Variants in SAMD5 observed in about 807,000 individuals in gnomAD.
SAMD5 encodes sterile alpha motif domain containing 5.
Under a neutral mutation model 11.3 loss-of-function variants are expected in SAMD5, and 13 were observed. That is an observed-to-expected ratio of 1.15 (90% confidence interval 0.75 to 1.83). The LOEUF (loss-of-function observed/expected upper bound fraction) is 1.83. Among genes scored for constraint, SAMD5 ranks in the 40% most tolerant of loss-of-function variants. The probability of loss-of-function intolerance (pLI) is 0.00; values close to 1 mark genes in which losing one functional copy is unlikely to be tolerated. For missense variants in SAMD5, 255 were observed against 239.1 expected (o/e 1.07, Z -0.44); for synonymous variants, 129 against 111.3 (o/e 1.16, Z -1.00).
chr6:147,949,274 G>GA, the SAMD5 span, among the ~76,000 whole-genome samples: 2 of 152,194 alleles, frequency 1.3e-5, no homozygotes, highest in East Asian at 3.9e-4. Context: ...TATGATGGGG[G>GA]AAAAAACCCA....
the SAMD5 span, among the ~76,000 whole-genome samples, chr6:147,811,588 T>C: frequency 6.6e-6 from 1 of 152,126 alleles, no homozygotes; most frequent in African/African-American, 2.4e-5. Context: ...GGCAGTTGTA[T>C]TGGAGAACAC....
intron 1 of SAMD5, among the ~76,000 whole-genome samples, chr6:147,578,791 T>TA (rs36033270): frequency 2.9e-4 from 44 of 149,286 alleles, no homozygotes; most frequent in Non-Finnish European, 4.6e-4. Context: ...ATCTGCGAAG[T>TA]AAAAAAAAAA....
At position 147,569,454 on chromosome 6, in the gene SAMD5, G is replaced by C. The variant is rs996575382; in HGVS notation, c.*4998G>C. On this transcript the variant is annotated 3_prime_UTR_variant, in exon 2 of 2. Transcript: ENST00000367474. ...CAAAATTTCTTCTACTGGACCAAAA[G>C]GAAATAAATCTACAATAAATCTACT... The C allele has an allele frequency of 1.1e-6, 1 of 926,842 alleles. No individual in the cohort carries two copies. Among genetic ancestry groups the C allele is most frequent in the African/African-American group, 1.8e-5 (1 of 55,930 alleles). The allele number at this position is 926,842 out of a possible 1,614,324, so 57.4% of individuals were successfully genotyped here. A position where few individuals can be genotyped will look rare whatever the true frequency, so the allele number is the denominator to read the frequency against.
chr6:147,896,155 C>T, the SAMD5 span, among the ~76,000 whole-genome samples: 1 of 152,214 alleles, frequency 6.6e-6, no homozygotes, highest in African/African-American at 2.4e-5. Context: ...TTACTTTCTG[C>T]ATTCTCCAGA....
At chr6:147,909,821 T>C in the SAMD5 span, among the ~76,000 whole-genome samples, 16 of 152,118 alleles carry the variant, frequency 1.1e-4, no homozygotes, top group East Asian at 2.7e-3. Context: ...AGAAAAAGTT[T>C]GCTAACCACT....
At chr6:147,932,083 T>C in the SAMD5 span, among the ~76,000 whole-genome samples, 2 of 152,234 alleles carry the variant, frequency 1.3e-5, no homozygotes, top group African/African-American at 4.8e-5. Flanking sequence ...AGTCCCTTTC[T>C]TCTGGAATGC....
intron 1 of SAMD5, among the ~76,000 whole-genome samples, chr6:147,722,685 A>G (rs1791572584): frequency 6.6e-6 from 1 of 152,210 alleles, no homozygotes; most frequent in African/African-American, 2.4e-5. Context: ...ATGAAGACAA[A>G]GGCTTGTTTA....
At chr6:147,557,279 T>G (rs887949595) in intron 1 of SAMD5, among the ~76,000 whole-genome samples, 1 of 152,208 alleles carries the variant, frequency 6.6e-6, no homozygotes, top group African/African-American at 2.4e-5. Context: ...TTAAAAAACA[T>G]TTCTAATAAC....
intron 1 of SAMD5, among the ~76,000 whole-genome samples, chr6:147,528,354 G>A (rs563410371): frequency 6.6e-6 from 1 of 152,114 alleles, no homozygotes; most frequent in South Asian, 2.1e-4. Context: ...GGACTTCTGA[G>A]GCCACGTGCC....
At chr6:147,880,755 C>T in the SAMD5 span, among the ~76,000 whole-genome samples, 1 of 152,186 alleles carries the variant, frequency 6.6e-6, no homozygotes, top group Non-Finnish European at 1.5e-5. Flanking sequence ...TCAGCCTTTA[C>T]ATCATACAGA....
At chr6:147,861,902 AG>A in the SAMD5 span, among the ~76,000 whole-genome samples, 1 of 152,178 alleles carries the variant, frequency 6.6e-6, no homozygotes, top group Admixed American at 6.5e-5. Flanking sequence ...CTGAGGTGAG[AG>A]CAGCCCAGCT....
chr6:147,728,775 G>A (rs1349490064), intron 1 of SAMD5, among the ~76,000 whole-genome samples: 2 of 152,212 alleles, frequency 1.3e-5, no homozygotes, highest in African/African-American at 2.4e-5. Flanking sequence ...ACACAAGGAA[G>A]TGATTTCTGT....
chr6:147,634,776 A>G (rs1325159232), intron 1 of SAMD5, among the ~76,000 whole-genome samples: 1 of 152,242 alleles, frequency 6.6e-6, no homozygotes, highest in Non-Finnish European at 1.5e-5. Context: ...TCAGAAGTCA[A>G]TGTGGAAAAA....
intron 1 of SAMD5, among the ~76,000 whole-genome samples, chr6:147,648,110 T>C (rs1188910393): frequency 1.3e-5 from 2 of 152,184 alleles, no homozygotes; most frequent in Non-Finnish European, 2.9e-5. Flanking sequence ...CATCAGTGCA[T>C]GTATTAGTCC....
the SAMD5 span, among the ~76,000 whole-genome samples, chr6:147,940,888 G>A: frequency 6.6e-6 from 1 of 152,154 alleles, no homozygotes; most frequent in Non-Finnish European, 1.5e-5. Flanking sequence ...CTTGAACTCC[G>A]GAGGCGGAGA....
At chr6:147,769,352 C>A in the SAMD5 span, among the ~76,000 whole-genome samples, 3 of 152,128 alleles carry the variant, frequency 2.0e-5, no homozygotes, top group African/African-American at 7.2e-5. Flanking sequence ...TTTTCATTTT[C>A]ATTTTCCTTT....
At chr6:147,540,576 A>C (rs1486761483) in intron 1 of SAMD5, among the ~76,000 whole-genome samples, 1 of 152,182 alleles carries the variant, frequency 6.6e-6, no homozygotes, top group Non-Finnish European at 1.5e-5. Flanking sequence ...AGCCTGCTGC[A>C]AGCTTATGGG....
chr6:147,631,272 C>T (rs1030520055), intron 1 of SAMD5, among the ~76,000 whole-genome samples: 12 of 152,014 alleles, frequency 7.9e-5, no homozygotes, highest in African/African-American at 2.4e-4. Context: ...TAAGAGAAGG[C>T]GAAAAACAGG....
At chr6:147,839,673 C>G in the SAMD5 span, among the ~76,000 whole-genome samples, 1 of 152,280 alleles carries the variant, frequency 6.6e-6, no homozygotes, top group Admixed American at 6.5e-5. Context: ...ACACTTGAAC[C>G]AGGGAGGCAG....
Sources: allele counts gnomAD v4.1 joint callset (sites outside exome capture counted in the v4.1 genomes callset), GRCh38; gene constraint gnomAD v4.1.1; transcripts MANE v1.5; gene names NCBI Gene and HGNC (gene_info 2026-07-23, HGNC 2026-07-21).